The following PKIB variants were observed in gnomAD, a reference collection of about 807,000 sequenced individuals.
The protein encoded by PKIB is PKI-beta.
In PKIB, 2 loss-of-function variants were observed where a neutral mutation model predicts 4.5. The observed-to-expected ratio is 0.44, with a 90% CI of 0.18 to 1.39. The LOEUF (loss-of-function observed/expected upper bound fraction) is 1.39, where lower values mean the gene tolerates loss of function less well. PKIB is among the 40% of genes most tolerant of loss of function. The pLI is 0.27. For missense variants in PKIB, 94 were observed against 92.6 expected, an observed-to-expected ratio of 1.02 and a Z score of -0.06; for synonymous variants, 38 against 36.0, an observed-to-expected ratio of 1.06 and a Z score of -0.20.
rs1491515725 is a variant in PKIB at position 122,662,308 on chromosome 6, C to CATTTTTTTTTT, written c.-75-12770_-75-12769insATTTTTTTTTT. Among the ~76,000 whole-genome samples, 15 of 13,252 alleles carry CATTTTTTTTTT rather than the reference C, an allele frequency of 1.1e-3. 1 individual carries two copies. The highest frequency in any genetic ancestry group is 1.8e-3 in the Non-Finnish European group (12 of 6,648). The allele number at this position is 13,252 out of a possible 152,430, so 8.7% of individuals were successfully genotyped here. ...CTCTCCTTCTTTCTTTCCTTGTCTC[C>CATTTTTTTTTT]TTTTTTTTTTTTTTTTTTTTTTTTT... On this transcript the variant is annotated intron_variant, in intron 2 of 4. Coordinates refer to ENST00000368452, the MANE Select transcript of PKIB (RefSeq NM_181795.3).
At chr6:122,605,920 C>T (rs907116515), upstream of PKIB, among the ~76,000 whole-genome samples, 3 of 152,212 alleles carry the variant, frequency 2.0e-5, no homozygotes, top group African/African-American at 7.2e-5. Flanking sequence ...ACCTGAAGAG[C>T]TATCATGCCA....
At chr6:122,700,068 A>G (rs1276999277) in intron 3 of PKIB, among the ~76,000 whole-genome samples, 3 of 152,154 alleles carry the variant, frequency 2.0e-5, no homozygotes, top group African/African-American at 4.8e-5. Context: ...CTGTAGAGGC[A>G]CAAAAGCCAA....
chr6:122,583,864 T>G (rs1356698289), intron 2 of PKIB, among the ~76,000 whole-genome samples: 3 of 152,124 alleles, frequency 2.0e-5, no homozygotes, highest in Admixed American at 2.0e-4. Flanking sequence ...CTGTTAGGCT[T>G]GTCAGACTTC....
At chr6:122,652,292 TTGTGTGTGTGTGTG>T (rs66695664) in intron 2 of PKIB, among the ~76,000 whole-genome samples, 92 of 142,038 alleles carry the variant, frequency 6.5e-4, no homozygotes, top group Admixed American at 2.0e-3. Flanking sequence ...ATATGTTGGT[TTGTGTGTGTGTGTG>T]TGTGTGTGTG....
At chr6:122,516,232 C>T (rs1445675919) in intron 2 of PKIB, among the ~76,000 whole-genome samples, 1 of 152,162 alleles carries the variant, frequency 6.6e-6, no homozygotes, top group Non-Finnish European at 1.5e-5. Flanking sequence ...ATGGAGCTGT[C>T]TTCTCTTTTG....
intron 3 of PKIB, among the ~76,000 whole-genome samples, chr6:122,588,590 A>G (rs1472982286): frequency 6.6e-6 from 1 of 152,178 alleles, no homozygotes; most frequent in Non-Finnish European, 1.5e-5. Flanking sequence ...ATGTAGACCA[A>G]TGGAACAGAA....
At chr6:122,622,923 C>T (rs1775298755) in intron 1 of PKIB, among the ~76,000 whole-genome samples, 3 of 152,154 alleles carry the variant, frequency 2.0e-5, no homozygotes, top group Non-Finnish European at 4.4e-5. Flanking sequence ...GTTCTCATTT[C>T]AAATACTTTG....
At chr6:122,687,457 T>C (rs1778138596) in intron 3 of PKIB, among the ~76,000 whole-genome samples, 1 of 152,188 alleles carries the variant, frequency 6.6e-6, no homozygotes, top group South Asian at 2.1e-4. Flanking sequence ...ATTCTGGTCT[T>C]TTGTGGTTCC....
At chr6:122,620,402 G>A (rs565614792) in intron 1 of PKIB, among the ~76,000 whole-genome samples, 1 of 152,236 alleles carries the variant, frequency 6.6e-6, no homozygotes, top group South Asian at 2.1e-4. Context: ...GAAGTATATA[G>A]AGCCGAAAAG....
chr6:122,641,613 A>C (rs1250766777), intron 2 of PKIB, among the ~76,000 whole-genome samples: 1 of 152,312 alleles, frequency 6.6e-6, no homozygotes, highest in Non-Finnish European at 1.5e-5. Context: ...GAGGCCATTC[A>C]TCTAGGGTTG....
intron 2 of PKIB, among the ~76,000 whole-genome samples, chr6:122,508,381 G>A (rs1176506995): frequency 6.6e-6 from 1 of 152,178 alleles, no homozygotes; most frequent in Non-Finnish European, 1.5e-5. Flanking sequence ...GGTAGTTGTA[G>A]TACCTGGCAC....
chr6:122,646,185 A>G (rs1468103375), intron 2 of PKIB, among the ~76,000 whole-genome samples: 1 of 152,186 alleles, frequency 6.6e-6, no homozygotes, highest in Non-Finnish European at 1.5e-5. Flanking sequence ...TTTTGACTGA[A>G]GCTTGCTTGT....
chr6:122,494,969 A>G (rs1279731664), intron 2 of PKIB, among the ~76,000 whole-genome samples: 1 of 152,228 alleles, frequency 6.6e-6, no homozygotes. Context: ...GTTTAAGCCC[A>G]TGTGAAGCCC....
chr6:122,510,644 T>C (rs890355735), intron 2 of PKIB, among the ~76,000 whole-genome samples: 1 of 152,186 alleles, frequency 6.6e-6, no homozygotes, highest in African/African-American at 2.4e-5. Flanking sequence ...TCTACCAAAC[T>C]TTTTAAATTA....
At chr6:122,670,419 A>G (rs540209119) in intron 2 of PKIB, among the ~76,000 whole-genome samples, 1 of 152,226 alleles carries the variant, frequency 6.6e-6, no homozygotes, top group Admixed American at 6.5e-5. Flanking sequence ...GGCTATTTCT[A>G]AAAACTTTTG....
chr6:122,612,258 A>G (rs1161464082), intron 1 of PKIB, among the ~76,000 whole-genome samples: 1 of 152,182 alleles, frequency 6.6e-6, no homozygotes, highest in Non-Finnish European at 1.5e-5. Context: ...TATATATTAT[A>G]AAGTTCACCC....
At chr6:122,664,277 A>T (rs1316996752) in intron 2 of PKIB, among the ~76,000 whole-genome samples, 5 of 152,200 alleles carry the variant, frequency 3.3e-5, no homozygotes, top group Non-Finnish European at 7.3e-5. Context: ...ACAAATCCTG[A>T]CATGGACAAT....
chr6:122,607,435 T>C (rs189795463), upstream of PKIB, among the ~76,000 whole-genome samples: 33 of 152,312 alleles, frequency 2.2e-4, no homozygotes, highest in East Asian at 2.1e-3. Flanking sequence ...GGAAGATTGC[T>C]TGAGCCTGGG....
upstream of PKIB, among the ~76,000 whole-genome samples, chr6:122,610,061 G>A (rs1168293253): frequency 6.6e-6 from 1 of 152,160 alleles, no homozygotes; most frequent in Non-Finnish European, 1.5e-5. Context: ...AAGCAGGAAG[G>A]GAATTGAAAT....
Sources: gnomAD v4.1 joint callset for allele counts (sites outside exome capture counted in the v4.1 genomes callset) on GRCh38, gnomAD v4.1.1 for gene constraint, MANE v1.5 for transcripts, NCBI Gene and HGNC (gene_info 2026-07-23, HGNC 2026-07-21) for gene names.